Variants in PCDHGA11 observed in about 807,000 individuals in gnomAD.
PCDHGA11 encodes the protein protocadherin gamma subfamily A, 11.
A neutral mutation model predicts 60.4 loss-of-function variants in PCDHGA11; 39 were observed. The observed-to-expected ratio is 0.65, with a 90% confidence interval of 0.50 to 0.84. The LOEUF (loss-of-function observed/expected upper bound fraction) is 0.84. Ranked by LOEUF, PCDHGA11 falls within the 40% of genes least tolerant of loss-of-function variation. PCDHGA11 has a pLI of 0.00. For synonymous variants in PCDHGA11, 533 were observed against 510.3 expected, an observed-to-expected ratio of 1.04 and a Z score of -0.60; for missense variants, 1,165 against 1,197.7, an observed-to-expected ratio of 0.97 and a Z score of 0.40.
intron 1 of PCDHGA11, among the ~76,000 whole-genome samples, chr5:141,473,298 A>G (rs1033516450): frequency 1.3e-5 from 2 of 152,244 alleles, no homozygotes; most frequent in Non-Finnish European, 2.9e-5. Context: ...AGTAGCATAA[A>G]GATTGCTATA....
At position 141,498,660 on chromosome 5, in the gene PCDHGA11, G is replaced by A. The variant is rs969314533; in HGVS notation, c.2492+3795G>A. Among the ~76,000 whole-genome samples, 11 of 152,192 alleles carry A rather than the reference G, an allele frequency of 7.2e-5. No homozygotes were observed. In the East Asian group the frequency reaches 9.6e-4, roughly 13 times the overall value. ...GAAGGAAGAAGACCTGGCCAGGTGT[G>A]GTGGCTCACGCCTGTAATCCCAGCA... is the stretch of plus-strand genomic sequence containing the variant. On this transcript the variant is annotated intron_variant, in intron 2 of 3. Coordinates refer to ENST00000398587, the MANE Select transcript of PCDHGA11 (RefSeq NM_018914.3).
At chr5:141,506,278 G>A (rs1001662623) in intron 3 of PCDHGA11, among the ~76,000 whole-genome samples, 1 of 152,090 alleles carries the variant, frequency 6.6e-6, no homozygotes. Flanking sequence ...GTGAAACCCT[G>A]TCTCTACTAA....
At chr5:141,437,381 C>T (rs2097879875) in intron 1 of PCDHGA11, among the ~76,000 whole-genome samples, 1 of 152,222 alleles carries the variant, frequency 6.6e-6, no homozygotes, top group Non-Finnish European at 1.5e-5. Flanking sequence ...AGTCAGAAGA[C>T]ATTCATCCAC....
At chr5:141,446,767 G>A (rs891355909) in intron 1 of PCDHGA11, among the ~76,000 whole-genome samples, 12 of 152,118 alleles carry the variant, frequency 7.9e-5, no homozygotes, top group Non-Finnish European at 1.2e-4. Flanking sequence ...GCGCCCAGCC[G>A]GTTACCATTC....
At position 141,431,416 on chromosome 5, in the gene PCDHGA11, C is replaced by T. The variant is rs778722151; in HGVS notation, c.2433+7756C>T. Reference sequence around the variant, plus strand: ...TCCTTACGGCCTCCGACGGGGGCGACCCGGTGCGCACAGGCACCGCGCGCA... The same window carrying T: ...TCCTTACGGCCTCCGACGGGGGCGATCCGGTGCGCACAGGCACCGCGCGCA... On this transcript the variant is annotated intron_variant, in intron 1 of 3. Transcript: ENST00000398587. This position sits in a 1 kb window ranked among gnomAD's most constrained non-coding sequence, Gnocchi z 4.8. 2.5e-6 allele frequency: 4 copies of T among 1,613,714 alleles called. No homozygotes were observed. Among genetic ancestry groups the T allele is most frequent in the Admixed American group, 1.7e-5 (1 of 60,028 alleles).
At position 141,422,664 on chromosome 5, in the gene PCDHGA11, C is replaced by T. The variant is rs2096662670; in HGVS notation, c.1437C>T (p.Asp479=). Residue 479 remains aspartate, a synonymous_variant, in exon 1 of 4, where the codon GAC becomes GAT. Transcript: ENST00000398587. Reference sequence around the variant, plus strand: ...CCATCTTCTCAGTGACCGCCCTCGACCCGGACAGCAAACAGAATGCCCTGG... The same window carrying T: ...CCATCTTCTCAGTGACCGCCCTCGATCCGGACAGCAAACAGAATGCCCTGG... ...GASIFSVTAL[D]PDSKQNALVT... 2.5e-6 allele frequency: 4 copies of T among 1,608,458 alleles called. No individual in the cohort carries two copies. The highest frequency in any genetic ancestry group is 3.4e-6 in the Non-Finnish European group (4 of 1,176,930).
At position 141,476,097 on chromosome 5, in the gene PCDHGA11, A is replaced by G. The variant is rs1366023758; in HGVS notation, c.2434-18710A>G. 1 of 1,571,812 alleles carries G rather than the reference A, an allele frequency of 6.4e-7. No individual in the cohort carries two copies. Among genetic ancestry groups the G allele is most frequent in the African/African-American group, 1.4e-5 (1 of 73,826 alleles). ...CAGGGACGATCTGGACCCCGCTGAG[A>G]GGAACTGCTTTTGAGTGAGATGGTC... On this transcript the variant is annotated intron_variant, in intron 1 of 3. Coordinates refer to ENST00000398587, the MANE Select transcript of PCDHGA11 (RefSeq NM_018914.3). The surrounding 1 kb of genome is among the most constrained non-coding windows in gnomAD (Gnocchi z 7.6).
At chr5:141,459,710 C>T (rs2098973565) in intron 1 of PCDHGA11, among the ~76,000 whole-genome samples, 1 of 152,204 alleles carries the variant, frequency 6.6e-6, no homozygotes, top group Non-Finnish European at 1.5e-5. Flanking sequence ...CATTTTCTCA[C>T]CAATGCTTCC....
rs78612001 is a variant in PCDHGA11 at position 141,432,435 on chromosome 5, C to A, written c.2433+8775C>A. ...TTCGTGCTGGACCAGAACGACAATG[C>A]GCCCGAGATCCTGTACCCCGCCCTC... On this transcript the variant is annotated intron_variant, in intron 1 of 3. Coordinates refer to ENST00000398587, the MANE Select transcript of PCDHGA11 (RefSeq NM_018914.3). The surrounding 1 kb of genome is among the most constrained non-coding windows in gnomAD (Gnocchi z 6.0). The A allele has an allele frequency of 0.027, 43,228 of 1,614,212 alleles. 830 individuals are homozygous for A. The highest frequency in any genetic ancestry group is 0.092 in the African/African-American group (6,903 of 75,054).
In PCDHGA11 at chr5:141,491,764, C is replaced by T; in HGVS notation, c.2434-3043C>T. The stretch of plus-strand genomic sequence containing the variant: ...CGGCACTGGAGAAGCCGCCCGTCCT[C>T]ATAAGGGATTGAACTTGCATCCACT... On this transcript the variant is annotated intron_variant, in intron 1 of 3. Transcript: ENST00000398587. The surrounding 1 kb of genome is among the most constrained non-coding windows in gnomAD (Gnocchi z 6.9). The T allele has an allele frequency of 6.4e-7, 1 of 1,570,206 alleles. No homozygotes were observed. Among genetic ancestry groups the T allele is most frequent in the Non-Finnish European group, 8.6e-7 (1 of 1,159,296 alleles).
chr5:141,421,871 CT>C lies in PCDHGA11; in HGVS notation c.647del (p.Leu216Ter). 6.2e-7 allele frequency: 1 copy of C among 1,613,756 alleles called. No individual in the cohort carries two copies. Among genetic ancestry groups the C allele is most frequent in the Non-Finnish European group, 8.5e-7 (1 of 1,179,888 alleles). On this transcript the variant is annotated frameshift_variant, in exon 1 of 4. Transcript: ENST00000398587. LOFTEE classifies it high-confidence loss of function. Reference protein sequence around the residue: ...KEAAHLLLLTALDGGDPIRKG... With the variant: ...KEAAHLLLLTXLDGGDPIRKG... ...GCTGCTCACCTGCTCCTCCTCACAG[CT>C]TTAGATGGAGGCGATCCCATCCGAA...
In PCDHGA11 at chr5:141,423,257, G is replaced by A; in HGVS notation, c.2030G>A (p.Gly677Asp). Residue 677 changes from glycine to aspartate, a missense_variant, in exon 1 of 4, where the codon GGC (glycine) becomes GAC (aspartate). Physicochemically the swap from Gly to Asp is moderately conservative, Grantham distance 94 (BLOSUM62 -1). Transcript: ENST00000398587. ...ATCCCCGAAGTCCTGGCGGACCTCG[G>A]CAGCCTCGAGTCTCTGGCTAACTCT... ...DSIPEVLADL[G>D]SLESLANSET... 1.2e-6 allele frequency: 2 copies of A among 1,613,946 alleles called. No homozygotes were observed. Among genetic ancestry groups the A allele is most frequent in the Non-Finnish European group, 1.7e-6 (2 of 1,179,992 alleles).
chr5:141,428,858 GACT>G (rs1348026268), intron 1 of PCDHGA11: 1 of 139,194 alleles, frequency 7.2e-6, no homozygotes, highest in African/African-American at 3.0e-5. Flanking sequence ...TTTTACGGGA[GACT>G]TTTTTTTTTT....
In PCDHGA11 at chr5:141,422,867, T is replaced by C. The variant is rs116031289; in HGVS notation, c.1640T>C (p.Val547Ala). Residue 547 changes from valine to alanine, a missense_variant, in exon 1 of 4, where the codon GTG (valine) becomes GCG (alanine). By Grantham distance (64) the Val-to-Ala change is moderately conservative. Coordinates refer to ENST00000398587, the MANE Select transcript of PCDHGA11 (RefSeq NM_018914.3). Reference sequence around the variant, plus strand: ...GGGGACCCGCCCCTCAGCAGCAACGTGTCGCTGAGCCTGTTCGTGCTGGAC... The same window carrying C: ...GGGGACCCGCCCCTCAGCAGCAACGCGTCGCTGAGCCTGTTCGTGCTGGAC... The part of the protein sequence containing the change: ...DSGDPPLSSN[V>A]SLSLFVLDQN... 1.5e-3 allele frequency: 2,464 copies of C among 1,614,218 alleles called. 37 individuals are homozygous for C. In the African/African-American group the frequency reaches 0.029, roughly 19 times the overall value.
Position 141,489,565 on chromosome 5 carries a change from G to C in PCDHGA11, c.2434-5242G>C. The C allele has an allele frequency of 6.2e-7, 1 of 1,614,118 alleles. No homozygotes were observed. ...CAGCTGCCTGCTGCCAGTGCAGGTGGTGACTGAACACCCCCTGGAGCTAAT... is the reference window on the plus strand; with the variant it reads ...CAGCTGCCTGCTGCCAGTGCAGGTGCTGACTGAACACCCCCTGGAGCTAAT... On this transcript the variant is annotated intron_variant, in intron 1 of 3. Coordinates refer to ENST00000398587, the MANE Select transcript of PCDHGA11 (RefSeq NM_018914.3). This position sits in a 1 kb window ranked among gnomAD's most constrained non-coding sequence, Gnocchi z 4.5.
chr5:141,438,344 C>A (rs1591501799), intron 1 of PCDHGA11, among the ~76,000 whole-genome samples: 1 of 151,664 alleles, frequency 6.6e-6, no homozygotes, highest in African/African-American at 2.4e-5. Flanking sequence ...ATATAAGGAT[C>A]TACTCTGTGT....
intron 3 of PCDHGA11, chr5:141,507,000 TGA>T (rs1235660361): frequency 1.3e-5 from 2 of 152,218 alleles, no homozygotes; most frequent in African/African-American, 4.8e-5. Flanking sequence ...ACTCGACAGA[TGA>T]GAGAACCGAG....
Position 141,487,893 on chromosome 5 carries a change from G to A in PCDHGA11, c.2434-6914G>A. Reference sequence around the variant, plus strand: ...AGCCAGGCTGTTGTGGAAGCATGATGATGGAATGTGGGAGCACAGGAGGCT... The same window carrying A: ...AGCCAGGCTGTTGTGGAAGCATGATAATGGAATGTGGGAGCACAGGAGGCT... On this transcript the variant is annotated intron_variant, in intron 1 of 3. Coordinates refer to ENST00000398587, the MANE Select transcript of PCDHGA11 (RefSeq NM_018914.3). The surrounding 1 kb of genome is among the most constrained non-coding windows in gnomAD (Gnocchi z 5.0). The A allele has an allele frequency of 1.4e-6, 1 of 731,472 alleles. No individual in the cohort carries two copies. The highest frequency in any genetic ancestry group is 2.2e-6 in the Non-Finnish European group (1 of 450,166). 45.3% of individuals were successfully genotyped at this position (731,472 alleles called of 1,614,324 possible). A position where few individuals can be genotyped will look rare whatever the true frequency, so the allele number is the denominator to read the frequency against.
At position 141,476,090 on chromosome 5, in the gene PCDHGA11, C is replaced by T; in HGVS notation, c.2434-18717C>T. On this transcript the variant is annotated intron_variant, in intron 1 of 3. Coordinates refer to ENST00000398587, the MANE Select transcript of PCDHGA11 (RefSeq NM_018914.3). The surrounding 1 kb of genome is among the most constrained non-coding windows in gnomAD (Gnocchi z 7.6). ...GAAATCTCAGGGACGATCTGGACCC[C>T]GCTGAGAGGAACTGCTTTTGAGTGA... 3 of 1,562,222 alleles carry T rather than the reference C, an allele frequency of 1.9e-6. No individual in the cohort carries two copies. Among genetic ancestry groups the T allele is most frequent in the African/African-American group, 1.4e-5 (1 of 73,764 alleles).
Sources: allele counts gnomAD v4.1 joint callset (sites outside exome capture counted in the v4.1 genomes callset), GRCh38; gene constraint gnomAD v4.1.1; non-coding constraint Gnocchi (gnomAD v3.1); transcripts MANE v1.5; gene names NCBI Gene and HGNC (gene_info 2026-07-23, HGNC 2026-07-21).